Variants in G2E3 observed in about 807,000 individuals in gnomAD.
G2E3 encodes G2/M-phase specific E3 ubiquitin protein ligase.
In G2E3, 35 loss-of-function variants were observed where a neutral mutation model predicts 92.8. That is an observed-to-expected ratio of 0.38 (90% CI 0.29 to 0.50). G2E3 has a LOEUF of 0.50. Among genes scored for constraint, G2E3 ranks in the 20% least tolerant of loss-of-function variants. The pLI is 0.94. For missense variants in G2E3, 554 were observed against 823.8 expected (o/e 0.67, Z 4.01); for synonymous variants, 242 against 272.4 (o/e 0.89, Z 1.10).
intron 13 of G2E3, among the ~76,000 whole-genome samples, chr14:30,614,079 G>A (rs912709997): frequency 1.3e-5 from 2 of 151,924 alleles, no homozygotes; most frequent in Non-Finnish European, 2.9e-5. Context: ...TAGTTCCAAA[G>A]TCAAATGTAT....
At chr14:30,575,539 G>A (rs1880030122) in intron 1 of G2E3, among the ~76,000 whole-genome samples, 1 of 152,130 alleles carries the variant, frequency 6.6e-6, no homozygotes, top group Non-Finnish European at 1.5e-5. Flanking sequence ...GCAAGAGAAG[G>A]AAATAAAGGG....
At chr14:30,561,687 T>C (rs559445570) in intron 1 of G2E3, among the ~76,000 whole-genome samples, 1 of 152,348 alleles carries the variant, frequency 6.6e-6, no homozygotes, top group South Asian at 2.1e-4. Flanking sequence ...TATAAATATA[T>C]AGTGCGAGAC....
rs568464040 is a variant in G2E3 at position 30,617,653 on chromosome 14, T to A, written c.*1119T>A. ...AAAAAGGATAGAATGAAAAACCCAT[T>A]CTAATGTCACCACTCAGAGATAAGT... On this transcript the variant is annotated 3_prime_UTR_variant, in exon 15 of 15. Transcript: ENST00000206595. 2.6e-5 allele frequency: 4 copies of A among 152,238 alleles called. No individual in the cohort carries two copies. In the South Asian group the frequency reaches 8.3e-4, roughly 32 times the overall value. The allele number at this position is 152,238 out of a possible 1,614,324, so 9.4% of individuals were successfully genotyped here.
rs767466709 is a variant in G2E3 at position 30,612,165 on chromosome 14, A to C, written c.1501-42A>C. 1.3e-5 allele frequency: 19 copies of C among 1,427,892 alleles called. No homozygotes were observed. The African/African-American group carries it at 2.1e-4, about 16-fold the overall frequency. 88.5% of individuals were successfully genotyped at this position (1,427,892 alleles called of 1,614,324 possible). ...CATTTGAAATGTGCATGTCACTCAA[A>C]AGTAAATGAGTAAAGTGGCTGTATT... is the stretch of plus-strand genomic sequence containing the variant. On this transcript the variant is annotated intron_variant, in intron 12 of 14. Transcript: ENST00000206595.
chr14:30,579,520 A>G (rs1454601982), intron 1 of G2E3, among the ~76,000 whole-genome samples: 2 of 152,028 alleles, frequency 1.3e-5, no homozygotes, highest in Admixed American at 6.5e-5. Context: ...GAAGCATTGT[A>G]TAAGTTTAAT....
chr14:30,590,784 T>G (rs749059062), intron 4 of G2E3: 29 of 455,062 alleles, frequency 6.4e-5, no homozygotes, highest in Non-Finnish European at 1.1e-4. Flanking sequence ...GTATCATAAT[T>G]CCTAAACTTC....
intron 13 of G2E3, 138 bp downstream of exon 13, chr14:30,612,517 AACTT>A: frequency 1.7e-6 from 1 of 590,694 alleles, no homozygotes; most frequent in African/African-American, 2.1e-5. Flanking sequence ...TTTAAATAAT[AACTT>A]AAGCCTTTTT....
intron 1 of G2E3, chr14:30,580,826 C>A (rs1022364873): frequency 2.5e-6 from 1 of 398,184 alleles, no homozygotes; most frequent in Non-Finnish European, 4.6e-6. Flanking sequence ...TGGCCTCTTT[C>A]CACTAAATAC....
intron 8 of G2E3, 47 bp downstream of exon 8, chr14:30,598,646 T>G: frequency 8.6e-7 from 1 of 1,156,230 alleles, no homozygotes; most frequent in Non-Finnish European, 1.3e-6. Flanking sequence ...TGTTTAAACC[T>G]TCTGCTGAGA....
chr14:30,569,322 CT>C (rs1879621091), intron 1 of G2E3, among the ~76,000 whole-genome samples: 1 of 152,136 alleles, frequency 6.6e-6, no homozygotes. Flanking sequence ...ACTTCTCCTG[CT>C]TTGCATATAA....
At chr14:30,581,238 A>C (rs1880414132) in intron 2 of G2E3, 122 bp downstream of exon 2, 3 of 638,394 alleles carry the variant, frequency 4.7e-6, no homozygotes, top group Non-Finnish European at 5.7e-6. Context: ...CCACATACTA[A>C]AGTATAATAT....
intron 3 of G2E3, among the ~76,000 whole-genome samples, chr14:30,588,080 G>T (rs1169801326): frequency 6.6e-6 from 1 of 152,170 alleles, no homozygotes; most frequent in Non-Finnish European, 1.5e-5. Context: ...AAATAGAGTA[G>T]TAGACTGGCC....
intron 2 of G2E3, among the ~76,000 whole-genome samples, chr14:30,585,837 A>T (rs182612186): frequency 2.0e-5 from 3 of 152,156 alleles, no homozygotes; most frequent in African/African-American, 7.2e-5. Flanking sequence ...ATGAGCCTAA[A>T]CATCAGCCAG....
At chr14:30,568,415 G>C (rs1021986629) in intron 1 of G2E3, among the ~76,000 whole-genome samples, 2 of 152,010 alleles carry the variant, frequency 1.3e-5, no homozygotes, top group Non-Finnish European at 2.9e-5. Context: ...TTTAATTACT[G>C]TTAAGGAAGG....
At chr14:30,581,536 A>G (rs973831215) in intron 2 of G2E3, among the ~76,000 whole-genome samples, 45 of 152,130 alleles carry the variant, frequency 3.0e-4, no homozygotes, top group African/African-American at 1.1e-3. Flanking sequence ...ACAAAACCTC[A>G]TCTCTGCTAA....
At chr14:30,578,290 A>G (rs552447681) in intron 1 of G2E3, among the ~76,000 whole-genome samples, 1 of 152,334 alleles carries the variant, frequency 6.6e-6, no homozygotes, top group African/African-American at 2.4e-5. Flanking sequence ...TATAATTTCA[A>G]GCTTAGAGAA....
At chr14:30,605,206 A>T (rs7143519) in intron 10 of G2E3, among the ~76,000 whole-genome samples, 4,249 of 152,238 alleles carry the variant, frequency 0.028, 84 homozygotes, top group African/African-American at 0.054. Context: ...TGAGATTCTG[A>T]TTCTTAAACC....
At chr14:30,583,711 A>C (rs1462968576) in intron 2 of G2E3, among the ~76,000 whole-genome samples, 1 of 152,244 alleles carries the variant, frequency 6.6e-6, no homozygotes, top group Admixed American at 6.5e-5. Flanking sequence ...AATTAGCTCC[A>C]TTTAGCTGTT....
chr14:30,587,320 A>G (rs1437196778), intron 3 of G2E3, among the ~76,000 whole-genome samples: 3 of 152,194 alleles, frequency 2.0e-5, no homozygotes, highest in African/African-American at 7.2e-5. Context: ...TTTCATACTC[A>G]GAATTAGTCT....
Sources: gnomAD v4.1 joint callset for allele counts (sites outside exome capture counted in the v4.1 genomes callset) on GRCh38, gnomAD v4.1.1 for gene constraint, MANE v1.5 for transcripts, NCBI Gene and HGNC (gene_info 2026-07-23, HGNC 2026-07-21) for gene names.